DEFB134: variants seen among roughly 807,000 people sequenced by gnomAD.
The protein encoded by DEFB134 is beta-defensin 134.
A neutral mutation model predicts 7.4 loss-of-function variants in DEFB134; 7 were observed. That is an observed-to-expected ratio of 0.95 (90% CI 0.54 to 1.79). The LOEUF is 1.79. DEFB134 is among the 40% of genes most tolerant of loss of function. The pLI is 0.00. For synonymous variants in DEFB134, 33 were observed against 25.0 expected, an observed-to-expected ratio of 1.32 and a Z score of -0.96; for missense variants, 105 against 74.8, an observed-to-expected ratio of 1.40 and a Z score of -1.49.
At chr8:11,996,606 T>C (rs911384300), upstream of DEFB134, among the ~76,000 whole-genome samples, 4 of 152,220 alleles carry the variant, frequency 2.6e-5, no homozygotes, top group Non-Finnish European at 1.5e-5. Context: ...AAAATGTAAT[T>C]GCTAATTTTA....
intron 1 of DEFB134, among the ~76,000 whole-genome samples, chr8:11,995,575 C>G (rs576845904): frequency 9.1e-4 from 139 of 152,312 alleles, no homozygotes; most frequent in African/African-American, 3.2e-3. Flanking sequence ...GGCATTTCTT[C>G]TATCACATAA....
chr8:12,000,112 A>G (rs1800232709), upstream of DEFB134, among the ~76,000 whole-genome samples: 1 of 152,218 alleles, frequency 6.6e-6, no homozygotes, highest in South Asian at 2.1e-4. Flanking sequence ...TTTCCAAATG[A>G]CAATCCTAAT....
upstream of DEFB134, chr8:11,996,391 C>G (rs1800124761): frequency 1.0e-5 from 8 of 790,224 alleles, no homozygotes; most frequent in Non-Finnish European, 1.6e-5. Flanking sequence ...ATATGCTACA[C>G]TGAACACCCC....
chr8:11,995,317 A>G (rs924576856), intron 1 of DEFB134, among the ~76,000 whole-genome samples: 4 of 152,196 alleles, frequency 2.6e-5, no homozygotes, highest in Admixed American at 6.5e-5. Context: ...TGATCCCATG[A>G]ATTCTTAAAT....
chr8:11,994,598 C>T (rs1800068359), intron 1 of DEFB134, among the ~76,000 whole-genome samples: 1 of 152,214 alleles, frequency 6.6e-6, no homozygotes. Context: ...TTTGTTATCG[C>T]AGCCCAAGCT....
chr8:11,996,050 G>C, intron 1 of DEFB134, 144 bp downstream of exon 2: 3 of 936,358 alleles, frequency 3.2e-6, no homozygotes, highest in Non-Finnish European at 3.3e-6. Flanking sequence ...TCAAGCCCAG[G>C]TCTTGCTGAC....
chr8:11,998,341 C>G (rs1800179114), upstream of DEFB134, among the ~76,000 whole-genome samples: 1 of 151,740 alleles, frequency 6.6e-6, no homozygotes, highest in South Asian at 2.1e-4. Flanking sequence ...GTCCCAATTA[C>G]TTGGGAGGTC....
intron 1 of DEFB134, among the ~76,000 whole-genome samples, chr8:11,994,902 C>T (rs1800076857): frequency 6.6e-6 from 1 of 152,126 alleles, no homozygotes; most frequent in Non-Finnish European, 1.5e-5. Flanking sequence ...GATGTATTTG[C>T]AATGTGGAAC....
exon 2 of DEFB134, chr8:11,993,916 G>T (rs759793766): frequency 1.1e-5 from 17 of 1,570,660 alleles, no homozygotes; most frequent in Non-Finnish European, 1.4e-5. Context: ...TAAATTCCCT[G>T]GTTTTGTGAA....
exon 2 of DEFB134, chr8:11,993,821 A>T: frequency 2.1e-6 from 2 of 969,402 alleles, no homozygotes; most frequent in Non-Finnish European, 2.9e-6. Context: ...TCAGCTCTTT[A>T]AATTTAAGAC....
chr8:12,000,196 G>A (rs919292160), upstream of DEFB134, among the ~76,000 whole-genome samples: 2 of 152,126 alleles, frequency 1.3e-5, no homozygotes, highest in Non-Finnish European at 2.9e-5. Context: ...TGAAGAGATG[G>A]TCCTCTTTCC....
At chr8:11,994,173 A>G in intron 1 of DEFB134, 51 bp from the exon 3 acceptor site, 1 of 1,555,702 alleles carries the variant, frequency 6.4e-7, no homozygotes, top group Non-Finnish European at 8.7e-7. Context: ...TTTTTGGACC[A>G]TAAAATTGCT....
chr8:11,995,491 G>A (rs1800094553), intron 1 of DEFB134, among the ~76,000 whole-genome samples: 1 of 152,140 alleles, frequency 6.6e-6, no homozygotes, highest in Non-Finnish European at 1.5e-5. Flanking sequence ...AGTCGGAAAG[G>A]ATATGGTGAA....
upstream of DEFB134, among the ~76,000 whole-genome samples, chr8:11,998,191 G>C (rs573784538): frequency 6.6e-6 from 1 of 152,212 alleles, no homozygotes; most frequent in East Asian, 1.9e-4. Context: ...GCTCACACCT[G>C]TAACGCTAGC....
chr8:11,995,566 GCATT>G (rs1800097037), intron 1 of DEFB134, among the ~76,000 whole-genome samples: 1 of 152,122 alleles, frequency 6.6e-6, no homozygotes, highest in African/African-American at 2.4e-5. Flanking sequence ...ATCTGATCAG[GCATT>G]TCTTCTATCA....
At chr8:11,998,649 G>A, upstream of DEFB134, among the ~76,000 whole-genome samples, 1 of 151,838 alleles carries the variant, frequency 6.6e-6, no homozygotes, top group Non-Finnish European at 1.5e-5. Flanking sequence ...AAAAACAAGA[G>A]CAAATCAACC....
upstream of DEFB134, among the ~76,000 whole-genome samples, chr8:11,997,621 A>C (rs1474549950): frequency 1.3e-5 from 2 of 152,258 alleles, no homozygotes; most frequent in East Asian, 3.8e-4. Context: ...AAAAGGACAA[A>C]GAAAGGCATT....
At chr8:11,998,348 G>A (rs1261536866), upstream of DEFB134, among the ~76,000 whole-genome samples, 1 of 152,004 alleles carries the variant, frequency 6.6e-6, no homozygotes, top group South Asian at 2.1e-4. Flanking sequence ...TTACTTGGGA[G>A]GTCGAGGTGG....
upstream of DEFB134, chr8:11,999,282 A>G: frequency 4.7e-6 from 1 of 213,774 alleles, no homozygotes. Context: ...AGGCTCCCAA[A>G]GAAGCCAGCA....
Sources: gnomAD v4.1 joint callset for allele counts (sites outside exome capture counted in the v4.1 genomes callset) on GRCh38, gnomAD v4.1.1 for gene constraint, MANE v1.5 for transcripts, NCBI Gene and HGNC (gene_info 2026-07-23, HGNC 2026-07-21) for gene names.